Variants in UBA1 observed in about 807,000 individuals in gnomAD.
The protein encoded by UBA1 is ubiquitin like modifier activating enzyme 1.
A neutral mutation model predicts 84.7 loss-of-function variants in UBA1; 4 were observed. That is an observed-to-expected ratio of 0.05 (90% CI 0.02 to 0.11). The LOEUF is 0.11. Ranked by LOEUF, UBA1 falls within the 10% of genes least tolerant of loss-of-function variation. The pLI is 1.00. For missense variants in UBA1, 513 were observed against 902.8 expected, an observed-to-expected ratio of 0.57 and a Z score of 5.53; for synonymous variants, 364 against 362.6, an observed-to-expected ratio of 1.00 and a Z score of -0.04.
Position 47,203,590 on chromosome X carries a change from T to C in UBA1, c.1469T>C (p.Ile490Thr), listed in dbSNP as rs1602635435. ...GCELLKNFAM[I>T]GLGCGEGGEI... ...GAGCTGCTCAAGAACTTTGCCATGA[T>C]TGGGCTGGGCTGCGGGGAGGGTGGA... Residue 490 changes from isoleucine (I) to threonine (T), a missense_variant, in exon 14 of 26, where the codon ATT (isoleucine) becomes ACT (threonine). By Grantham distance (89) the Ile-to-Thr change is moderately conservative (BLOSUM62 -1). This residue lies in a region of UBA1 where 55 missense variants were observed against 104.8 expected (regional missense o/e 0.52). Transcript: ENST00000335972. The C allele has an allele frequency of 1.7e-6, 2 of 1,211,025 alleles. No homozygotes were observed. Among genetic ancestry groups the C allele is most frequent in the Non-Finnish European group, 2.2e-6 (2 of 895,322 alleles).
rs1936455360 is a variant in UBA1, at chrX:47,202,510, T to C, written c.1056+6T>C. ...CACCTCGGCCCCGCAATGAGGTGGG[T>C]GAGTGGGCGAGCCAGCCAGCGCAGA... On this transcript the variant is annotated splice_donor_region_variant and intron_variant, in intron 10 of 25. Transcript: ENST00000335972. The C allele has an allele frequency of 3.3e-6, 4 of 1,199,947 alleles. No homozygotes were observed. In the South Asian group the frequency reaches 5.4e-5, roughly 16 times the overall value.
chrX:47,212,310 C>T (rs1239172571), intron 20 of UBA1, 114 bp from the exon 21 acceptor site: 2 of 546,616 alleles, frequency 3.7e-6, no homozygotes, highest in East Asian at 7.2e-5. Context: ...GATGTCTCTC[C>T]TTTCCAAATC....
rs1556787891 is a variant in UBA1, at chrX:47,201,292, T to G, written c.604T>G (p.Phe202Val). The G allele has an allele frequency of 8.3e-7, 1 of 1,208,434 alleles. No homozygotes were observed. Among genetic ancestry groups the G allele is most frequent in the Admixed American group, 2.2e-5 (1 of 45,772 alleles). The change falls in exon 7 of 26, where the codon TTT (phenylalanine) becomes GTT (valine). Residue 202 changes from phenylalanine to valine, a missense_variant. Phe to Val is a conservative substitution (Grantham distance 50). Coordinates refer to ENST00000335972, the MANE Select transcript of UBA1 (RefSeq NM_003334.4). ...RGLFGQLFCDFGEEMILTDSN... is the reference protein window; with the variant it reads ...RGLFGQLFCDVGEEMILTDSN... ...CCTCTACAGGCAGCTCTTCTGTGAC[T>G]TTGGAGAGGAAATGATCCTCACAGA...
rs781926156 is a variant in UBA1, at chrX:47,203,119, C to T, written c.1339-15C>T. The T allele has an allele frequency of 8.3e-7, 1 of 1,209,546 alleles. No homozygotes were observed. Among genetic ancestry groups the T allele is most frequent in the African/African-American group, 1.8e-5 (1 of 57,115 alleles). ...GGGGAGGCCTCTCTAACCCTCCTCCCTTTGCATTCCTTAGCGCCAGAACCG... is the reference window on the plus strand; with the variant it reads ...GGGGAGGCCTCTCTAACCCTCCTCCTTTTGCATTCCTTAGCGCCAGAACCG... On this transcript the variant is annotated splice_polypyrimidine_tract_variant and intron_variant, in intron 12 of 25. Coordinates refer to ENST00000335972, the MANE Select transcript of UBA1 (RefSeq NM_003334.4).
chrX:47,197,549 A>G (rs1267380809), intron 1 of UBA1: 1 of 753,882 alleles, frequency 1.3e-6, no homozygotes, highest in East Asian at 1.5e-4. Flanking sequence ...GGTGAGGGGA[A>G]GTGACGCTGG....
chrX:47,200,868 G>A lies in UBA1; in HGVS notation c.481-26G>A, dbSNP rs782249953. 7.9e-6 allele frequency: 9 copies of A among 1,144,233 alleles called. No homozygotes were observed. The East Asian group carries it at 2.2e-4, about 28-fold the overall frequency. 94.3% of individuals were successfully genotyped at this position (1,144,233 alleles called of 1,213,427 possible). ...ATTTTTTCCCCTTCACCCCAATGCT[G>A]GGCCTGAGCCTCCATCTCTCCACAG... On this transcript the variant is annotated intron_variant, in intron 5 of 25. Coordinates refer to ENST00000335972, the MANE Select transcript of UBA1 (RefSeq NM_003334.4).
At chrX:47,206,570 ACCTC>A (rs1936685447) in intron 16 of UBA1, 126 bp downstream of exon 16, 13 of 680,590 alleles carry the variant, frequency 1.9e-5, no homozygotes, top group Non-Finnish European at 2.9e-5. Context: ...TTTTCTCCAA[ACCTC>A]CCTCCCTCAC....
intron 1 of UBA1, 85 bp from the exon 2 acceptor site, chrX:47,198,718 T>G: frequency 2.1e-6 from 2 of 942,945 alleles, no homozygotes; most frequent in Non-Finnish European, 3.1e-6. Context: ...TACTTAAGTC[T>G]TCCCTTCCCC....
chrX:47,198,812 T>C lies in UBA1; in HGVS notation c.10T>C (p.Ser4Pro). The stretch of plus-strand genomic sequence containing the variant: ...CCTTTTTTTCCTCCAGATGTCCAGC[T>C]CGCCGCTGTCCAAGAAACGTCGCGT... MSSSPLSKKRRVSG... is the reference protein window; with the variant it reads MSSPPLSKKRRVSG... The change falls in exon 2 of 26, where the codon TCG (serine) becomes CCG (proline). Residue 4 changes from serine (S) to proline (P), a missense_variant. By Grantham distance (74) the Ser-to-Pro change is moderately conservative (BLOSUM62 -1). Coordinates refer to ENST00000335972, the MANE Select transcript of UBA1 (RefSeq NM_003334.4). The C allele has an allele frequency of 8.3e-7, 1 of 1,211,610 alleles. No homozygotes were observed. The highest frequency in any genetic ancestry group is 1.1e-6 in the Non-Finnish European group (1 of 895,429).
At position 47,199,540 on chromosome X, in the gene UBA1, G is replaced by A. The variant is rs1159180530; in HGVS notation, c.406G>A (p.Ala136Thr). The change falls in exon 5 of 26, where the codon GCT (alanine) becomes ACT (threonine). Residue 136 changes from alanine to threonine, a missense_variant. Ala to Thr is a moderately conservative substitution (Grantham distance 58). Around this residue, in one of 6 missense-constraint regions of UBA1, gnomAD observed 227 missense variants for 339.1 expected, o/e 0.67. Transcript: ENST00000335972. ...GGCCGAGGTATCACAGCCCCGCCTC[G>A]CTGAGCTCAACAGCTATGTGCCTGT... Reference protein sequence around the residue: ...NRAEVSQPRLAELNSYVPVTA... With the variant: ...NRAEVSQPRLTELNSYVPVTA... 12 of 1,209,772 alleles carry A rather than the reference G, an allele frequency of 9.9e-6. No homozygotes were observed. The highest frequency in any genetic ancestry group is 7.0e-5 in the African/African-American group (4 of 57,076).
At position 47,199,471 on chromosome X, in the gene UBA1, C is replaced by T. The variant is rs781959988; in HGVS notation, c.346-9C>T. On this transcript the variant is annotated splice_polypyrimidine_tract_variant and intron_variant, in intron 4 of 25. Coordinates refer to ENST00000335972, the MANE Select transcript of UBA1 (RefSeq NM_003334.4). The stretch of plus-strand genomic sequence containing the variant: ...ATTTCATCTTTTTCCCTACTGCACA[C>T]CCTTACAGTTCTACCTGCGGGAGGA... 1.7e-6 allele frequency: 2 copies of T among 1,210,268 alleles called. No individual in the cohort carries two copies. The highest frequency in any genetic ancestry group is 3.0e-5 in the East Asian group (1 of 33,769).
chrX:47,194,407 A>G (rs1252762982), intron 1 of UBA1, among the ~76,000 whole-genome samples: 1 of 112,319 alleles, frequency 8.9e-6, no homozygotes, highest in Non-Finnish European at 1.9e-5. Context: ...AATGCCGTTA[A>G]AGACCTGCCC....
At chrX:47,196,613 A>T (rs1189362440) in intron 1 of UBA1, among the ~76,000 whole-genome samples, 1 of 111,336 alleles carries the variant, frequency 9.0e-6, no homozygotes, top group East Asian at 2.8e-4. Context: ...GCTCCTCTGC[A>T]GAGTTTCTGT....
Position 47,213,284 on chromosome X carries a change from G to T in UBA1, c.2838+103G>T, listed in dbSNP as rs1937007020. 4 of 861,236 alleles carry T rather than the reference G, an allele frequency of 4.6e-6. No homozygotes were observed. In the East Asian group the frequency reaches 1.3e-4, roughly 29 times the overall value. The allele number at this position is 861,236 out of a possible 1,213,427, so 71.0% of individuals were successfully genotyped here. ...TCACCAGGTGAGGGTTTCTGTCTGT[G>T]TACCTACCCTTTTTGTGTATCCTTT... On this transcript the variant is annotated intron_variant, in intron 23 of 25. Transcript: ENST00000335972.
At chrX:47,200,749 CAGT>C (rs1556787491) in intron 5 of UBA1, 142 bp from the exon 6 acceptor site, 2 of 489,449 alleles carry the variant, frequency 4.1e-6, no homozygotes, top group African/African-American at 2.3e-5. Flanking sequence ...GTCTGATACA[CAGT>C]AGGTGCTATG....
intron 2 of UBA1, 24 bp downstream of exon 2, chrX:47,198,943 TG>T: frequency 8.3e-7 from 1 of 1,208,170 alleles, no homozygotes; most frequent in Non-Finnish European, 1.1e-6. Flanking sequence ...CCGTGGAGAC[TG>T]GCAGACGAGG....
upstream of UBA1, among the ~76,000 whole-genome samples, chrX:47,192,779 CAG>C (rs2147235874): frequency 8.9e-6 from 1 of 112,093 alleles, no homozygotes; most frequent in South Asian, 3.6e-4. Flanking sequence ...TTAGTAGAGA[CAG>C]GGTTTCACCA....
At chrX:47,210,716 T>G in intron 18 of UBA1, 126 bp from the exon 19 acceptor site, 1 of 658,767 alleles carries the variant, frequency 1.5e-6, no homozygotes, top group Non-Finnish European at 2.4e-6. Flanking sequence ...TTGGCTCCAG[T>G]CCGCATCGAG....
intron 18 of UBA1, among the ~76,000 whole-genome samples, chrX:47,210,627 T>C (rs1358211773): frequency 8.9e-6 from 1 of 111,984 alleles, no homozygotes; most frequent in African/African-American, 3.3e-5. Flanking sequence ...ACAAAATGGC[T>C]ACCCAGTGAT....
Sources: allele counts gnomAD v4.1 joint callset (sites outside exome capture counted in the v4.1 genomes callset), GRCh38; gene constraint gnomAD v4.1.1; regional missense constraint gnomAD v4.1.1; transcripts MANE v1.5; gene names NCBI Gene and HGNC (gene_info 2026-07-23, HGNC 2026-07-21).